ZCCHC9: variants seen among roughly 807,000 people sequenced by gnomAD.
ZCCHC9 encodes zinc finger CCHC-type containing 9.
In ZCCHC9, 18 loss-of-function variants were observed where a neutral mutation model predicts 30.8. The observed-to-expected ratio is 0.58, with a 90% confidence interval of 0.40 to 0.87. ZCCHC9 has a LOEUF of 0.87. Among genes scored for constraint, ZCCHC9 ranks in the 40% least tolerant of loss-of-function variants. The probability of loss-of-function intolerance (pLI) is 0.00; values close to 1 mark genes in which losing one functional copy is unlikely to be tolerated. For missense variants in ZCCHC9, 279 were observed against 331.2 expected (o/e 0.84, Z 1.22); for synonymous variants, 94 against 106.7 (o/e 0.88, Z 0.73).
chr5:81,307,650 A>G (rs1361482282), intron 2 of ZCCHC9, among the ~76,000 whole-genome samples: 1 of 151,082 alleles, frequency 6.6e-6, no homozygotes, highest in Non-Finnish European at 1.5e-5. Flanking sequence ...ATTCTGTCTC[A>G]AAAAACAAAA....
intron 2 of ZCCHC9, among the ~76,000 whole-genome samples, chr5:81,306,566 G>C (rs1472789623): frequency 6.6e-6 from 1 of 152,140 alleles, no homozygotes; most frequent in East Asian, 1.9e-4. Flanking sequence ...ATTAAGTGGG[G>C]AAGGATATTG....
At chr5:81,305,557 A>C (rs1057146147) in intron 2 of ZCCHC9, among the ~76,000 whole-genome samples, 2 of 151,202 alleles carry the variant, frequency 1.3e-5, no homozygotes, top group African/African-American at 4.9e-5. Context: ...CAGGAATTAA[A>C]GACGAGCCAG....
rs1478582837 is a variant in ZCCHC9, at chr5:81,308,690, G to A, written c.514G>A (p.Ala172Thr). Residue 172 changes from alanine to threonine, a missense_variant, in exon 3 of 6, where the codon GCT becomes ACT. By Grantham distance (58) the Ala-to-Thr change is moderately conservative. Transcript: ENST00000407610. ...STEHEITKCK[A>T]KVDPALGEFP... ...AGAGCACGAAATAACCAAGTGTAAG[G>A]CTAAAGTAGACCCGGCTCTTGGTAT... 6.2e-7 allele frequency: 1 copy of A among 1,611,082 alleles called. No homozygotes were observed.
intron 4 of ZCCHC9, among the ~76,000 whole-genome samples, chr5:81,310,157 T>TAAAAAAAAAAAAAAAAAAAAAAAAA (rs71000814): frequency 4.8e-5 from 5 of 104,760 alleles, no homozygotes; most frequent in East Asian, 3.1e-4. Flanking sequence ...TGACTAGCTG[T>TAAAAAAAAAAAAAAAAAAAAAAAAA]AAAAAAAAAA....
Position 81,301,656 on chromosome 5 carries a change from G to C in ZCCHC9, c.-60G>C, listed in dbSNP as rs1373492893. ...CCGGCTCGCCAACTCGGCTGCTCTG[G>C]GGGATTCGTGCGCGGTAAGAAGCTG... On this transcript the variant is annotated 5_prime_UTR_variant, in exon 1 of 6. Transcript: ENST00000407610. 1 of 152,528 alleles carries C rather than the reference G, an allele frequency of 6.6e-6. No individual in the cohort carries two copies. The highest frequency in any genetic ancestry group is 1.5e-5 in the Non-Finnish European group (1 of 68,274). The allele number at this position is 152,528 out of a possible 1,614,324, so 9.4% of individuals were successfully genotyped here. A position where few individuals can be genotyped will look rare whatever the true frequency, so the allele number is the denominator to read the frequency against.
chr5:81,312,023 G>A (rs1758305599), intron 5 of ZCCHC9, among the ~76,000 whole-genome samples: 2 of 152,080 alleles, frequency 1.3e-5, no homozygotes, highest in South Asian at 4.2e-4. Context: ...ATTTAAATTT[G>A]AAAACCAAGA....
chr5:81,306,422 G>C (rs1047748166), intron 2 of ZCCHC9, among the ~76,000 whole-genome samples: 1 of 152,158 alleles, frequency 6.6e-6, no homozygotes, highest in African/African-American at 2.4e-5. Context: ...TATCAGGATA[G>C]AGTTTTGTGT....
At chr5:81,311,108 C>G in intron 4 of ZCCHC9, 103 bp from the exon 5 acceptor site, 1 of 1,154,894 alleles carries the variant, frequency 8.7e-7, no homozygotes, top group Non-Finnish European at 1.3e-6. Flanking sequence ...ACCTTTACAA[C>G]TGACAGGGTT....
At chr5:81,312,459 G>T in intron 5 of ZCCHC9, 85 bp from the exon 6 acceptor site, 1 of 1,042,590 alleles carries the variant, frequency 9.6e-7, no homozygotes, top group South Asian at 1.5e-5. Context: ...ATCAAAATGA[G>T]TTCCTTTCCC....
At position 81,305,161 on chromosome 5, in the gene ZCCHC9, C is replaced by A; in HGVS notation, c.384+20C>A. On this transcript the variant is annotated intron_variant, in intron 2 of 5. Transcript: ENST00000407610. ...GCAATGGTGAGAGCATCACTTCTAC[C>A]ATGTTATTTACTTTATTTAGCTGGA... 6.4e-7 allele frequency: 1 copy of A among 1,562,390 alleles called. No homozygotes were observed. The highest frequency in any genetic ancestry group is 1.2e-5 in the South Asian group (1 of 80,876).
chr5:81,309,565 G>A (rs576464804), intron 4 of ZCCHC9, among the ~76,000 whole-genome samples: 11 of 152,286 alleles, frequency 7.2e-5, no homozygotes, highest in South Asian at 6.2e-4. Context: ...GCTTTAAGGC[G>A]GAGGTTGTTA....
rs773720121 is a variant in ZCCHC9, at chr5:81,312,661, G to T, written c.815G>T (p.Ter272LeuextTer1). Residue 272 changes from the stop codon to leucine (L), a stop_lost, in exon 6 of 6, where the codon TGA becomes TTA. Coordinates refer to ENST00000407610, the MANE Select transcript of ZCCHC9 (RefSeq NM_001131035.2). ...KTKIPKVVNF[*>L] ...AAAATACCTAAAGTTGTTAATTTTTGATAACAGCTAGCACTATCATGAGTT... is the reference window on the plus strand; with the variant it reads ...AAAATACCTAAAGTTGTTAATTTTTTATAACAGCTAGCACTATCATGAGTT... 9 of 1,604,310 alleles carry T rather than the reference G, an allele frequency of 5.6e-6. No individual in the cohort carries two copies. In the East Asian group the frequency reaches 1.3e-4, roughly 24 times the overall value.
chr5:81,302,251 C>T (rs1370475192), intron 1 of ZCCHC9: 1 of 152,426 alleles, frequency 6.6e-6, no homozygotes, highest in Non-Finnish European at 1.5e-5. Context: ...GCGGGCAGAT[C>T]TCCTGAGCTC....
intron 2 of ZCCHC9, among the ~76,000 whole-genome samples, chr5:81,307,474 A>T (rs1239813459): frequency 6.6e-6 from 1 of 151,128 alleles, no homozygotes; most frequent in Non-Finnish European, 1.5e-5. Flanking sequence ...CAACATGATG[A>T]AATCCCATCT....
Position 81,304,948 on chromosome 5 carries a change from A to G in ZCCHC9, c.191A>G (p.Lys64Arg). 6.2e-7 allele frequency: 1 copy of G among 1,613,832 alleles called. No individual in the cohort carries two copies. Among genetic ancestry groups the G allele is most frequent in the Non-Finnish European group, 8.5e-7 (1 of 1,179,974 alleles). Residue 64 changes from lysine to arginine, a missense_variant, in exon 2 of 6, where the codon AAA (lysine) becomes AGA (arginine). Transcript: ENST00000407610. ...GCAAAACATAAAAAGAACAAAAAGA[A>G]AAAAGAGTACTTAAATGAAGATGTG... The part of the protein sequence containing the change: ...PQAKHKKNKK[K>R]KEYLNEDVNG...
intron 4 of ZCCHC9, among the ~76,000 whole-genome samples, chr5:81,309,497 T>A (rs1178477645): frequency 1.3e-5 from 2 of 152,244 alleles, no homozygotes; most frequent in South Asian, 2.1e-4. Context: ...ATCATGTAGC[T>A]TTTTTCTCTT....
intron 1 of ZCCHC9, chr5:81,302,335 G>C (rs1757981192): frequency 1.3e-5 from 2 of 152,456 alleles, no homozygotes; most frequent in South Asian, 4.1e-4. Flanking sequence ...AGCTGGGCGT[G>C]GTGGCACGCG....
intron 2 of ZCCHC9, among the ~76,000 whole-genome samples, chr5:81,307,800 C>G (rs4704720): frequency 0.17 from 26,133 of 151,508 alleles, 2,549 homozygotes; most frequent in Admixed American, 0.27. Flanking sequence ...AGTTCGAGAC[C>G]AGCCTGGCCA....
At chr5:81,309,843 A>C (rs780839764) in intron 4 of ZCCHC9, among the ~76,000 whole-genome samples, 5 of 152,206 alleles carry the variant, frequency 3.3e-5, no homozygotes, top group Non-Finnish European at 7.3e-5. Flanking sequence ...AATCTCTTGG[A>C]AATCAGAATG....
Sources: gnomAD v4.1 joint callset for allele counts (sites outside exome capture counted in the v4.1 genomes callset) on GRCh38, gnomAD v4.1.1 for gene constraint, MANE v1.5 for transcripts, NCBI Gene and HGNC (gene_info 2026-07-23, HGNC 2026-07-21) for gene names.